The following RARS1 variants were observed in gnomAD, a reference collection of about 807,000 sequenced individuals.
RARS1 encodes the protein arginine--tRNA ligase, cytoplasmic.
A neutral mutation model predicts 78.7 loss-of-function variants in RARS1; 75 were observed. The observed-to-expected ratio is 0.95, with a 90% CI of 0.79 to 1.15. RARS1 has a LOEUF of 1.15. Among genes scored for constraint, RARS1 ranks in the 50% most tolerant of loss-of-function variants. The pLI is 0.00. For missense variants in RARS1, 787 were observed against 787.5 expected, an observed-to-expected ratio of 1.00 and a Z score of 0.01; for synonymous variants, 273 against 268.2, an observed-to-expected ratio of 1.02 and a Z score of -0.18.
chr5:168,497,162 C>G, intron 6 of RARS1, 66 bp from the exon 7 acceptor site: 1 of 1,202,390 alleles, frequency 8.3e-7, no homozygotes, highest in Non-Finnish European at 1.1e-6. Flanking sequence ...GAATATAGTT[C>G]CTCTAATTTA....
rs1158306229 is a variant in RARS1, at chr5:168,492,697, G to T, written c.219G>T (p.Met73Ile). Residue 73 changes from methionine (M) to isoleucine (I), a missense_variant, in exon 3 of 15, where the codon ATG (methionine) becomes ATT (isoleucine). Met to Ile is a conservative substitution (Grantham distance 10, BLOSUM62 1). Transcript: ENST00000231572. ...AAAGGAACAAACCAACTAAAAATAT[G>T]ATTAACATTATTAGCCGCCTACAAG... is the stretch of plus-strand genomic sequence containing the variant. ...QAERNKPTKNMINIISRLQEV... is the reference protein window; with the variant it reads ...QAERNKPTKNIINIISRLQEV... 6.2e-7 allele frequency: 1 copy of T among 1,611,142 alleles called. No homozygotes were observed. Among genetic ancestry groups the T allele is most frequent in the East Asian group, 2.2e-5 (1 of 44,836 alleles).
rs747777615 is a variant in RARS1 at position 168,518,071 on chromosome 5, C to CTTTTTTTT, written c.1873+26_1873+33dup. On this transcript the variant is annotated intron_variant, in intron 14 of 14. Transcript: ENST00000231572. ...GAAAGATAGACAGACTGGTGAGTGT[C>CTTTTTTTT]TTTTTTTTTTTTTTTTTTTTTTTTA... 4.8e-3 allele frequency: 3,565 copies of CTTTTTTTT among 747,852 alleles called. 463 individuals are homozygous for CTTTTTTTT. The highest frequency in any genetic ancestry group is 0.033 in the African/African-American group (708 of 21,406). 46.3% of individuals were successfully genotyped at this position (747,852 alleles called of 1,614,324 possible). A position where few individuals can be genotyped will look rare whatever the true frequency, so the allele number is the denominator to read the frequency against.
intron 12 of RARS1, 102 bp downstream of exon 12, chr5:168,510,788 C>G: frequency 4.1e-6 from 3 of 736,856 alleles, no homozygotes; most frequent in Middle Eastern, 2.5e-4. Flanking sequence ...GTCAGTCCCA[C>G]CTAGGACAAG....
rs191254574 is a variant in RARS1, at chr5:168,497,430, T to C, written c.822+82T>C. Reference sequence around the variant, plus strand: ...ATTTTCCTTAGGAAACTTAAAATGGTTTTTAAAGCTACTATGGAGTTAAGT... The same window carrying C: ...ATTTTCCTTAGGAAACTTAAAATGGCTTTTAAAGCTACTATGGAGTTAAGT... On this transcript the variant is annotated intron_variant, in intron 7 of 14. Coordinates refer to ENST00000231572, the MANE Select transcript of RARS1 (RefSeq NM_002887.4). The C allele has an allele frequency of 8.9e-5, 107 of 1,200,866 alleles. No individual in the cohort carries two copies. In the African/African-American group the frequency reaches 1.5e-3, roughly 17 times the overall value. 74.4% of individuals were successfully genotyped at this position (1,200,866 alleles called of 1,614,324 possible).
intron 7 of RARS1, among the ~76,000 whole-genome samples, chr5:168,499,154 C>T (rs1247940901): frequency 1.3e-5 from 2 of 151,808 alleles, no homozygotes; most frequent in East Asian, 1.9e-4. Context: ...CCTGTCTCTA[C>T]ATAAAATACA....
intron 10 of RARS1, among the ~76,000 whole-genome samples, chr5:168,506,403 C>T (rs1424964451): frequency 6.6e-6 from 1 of 152,182 alleles, no homozygotes; most frequent in African/African-American, 2.4e-5. Flanking sequence ...CCTCCACAAA[C>T]TGGAACCTCT....
At chr5:168,510,816 T>TTTATTACTGTGCAATAAAC in intron 12 of RARS1, 130 bp downstream of exon 12, 1 of 551,064 alleles carries the variant, frequency 1.8e-6, no homozygotes, top group Non-Finnish European at 3.2e-6. Context: ...TTGCTCTGAC[T>TTTATTACTGTGCAATAAAC]TTATTGCACA....
chr5:168,488,190 C>A, intron 1 of RARS1: 1 of 381,526 alleles, frequency 2.6e-6, no homozygotes, highest in Non-Finnish European at 5.2e-6. Context: ...TGCAGTGGCA[C>A]GATCTCGACT....
chr5:168,510,796 A>C lies in RARS1; in HGVS notation c.1452+110A>C, dbSNP rs41283167. 0.021 allele frequency: 14,381 copies of C among 674,294 alleles called. 287 individuals carry two copies. Among genetic ancestry groups the C allele is most frequent in the East Asian group, 0.07 (2,338 of 33,334 alleles). 41.8% of individuals were successfully genotyped at this position (674,294 alleles called of 1,614,324 possible). ...GTGAGGAGTCAGTCCCACCTAGGACAAGGCTTATATTGCTCTGACTTTATT... is the reference window on the plus strand; with the variant it reads ...GTGAGGAGTCAGTCCCACCTAGGACCAGGCTTATATTGCTCTGACTTTATT... On this transcript the variant is annotated intron_variant, in intron 12 of 14. Coordinates refer to ENST00000231572, the MANE Select transcript of RARS1 (RefSeq NM_002887.4).
At position 168,518,052 on chromosome 5, in the gene RARS1, T is replaced by G; in HGVS notation, c.1863T>G (p.Asp621Glu). 1 of 1,516,384 alleles carries G rather than the reference T, an allele frequency of 6.6e-7. No homozygotes were observed. Among genetic ancestry groups the G allele is most frequent in the South Asian group, 1.2e-5 (1 of 81,178 alleles). The allele number at this position is 1,516,384 out of a possible 1,614,324, so 93.9% of individuals were successfully genotyped here. The stretch of plus-strand genomic sequence containing the variant: ...ATAGCTGCTACTGTGTGGAGAAAGA[T>G]AGACAGACTGGTGAGTGTCTTTTTT... ...FYDSCYCVEK[D>E]RQTGKILKVN... The change falls in exon 14 of 15, where the codon GAT (aspartate) becomes GAG (glutamate). Residue 621 changes from aspartate to glutamate, a missense_variant. Asp to Glu is a conservative substitution (Grantham distance 45). Coordinates refer to ENST00000231572, the MANE Select transcript of RARS1 (RefSeq NM_002887.4).
intron 3 of RARS1, chr5:168,493,088 T>C (rs1398760354): frequency 5.2e-6 from 2 of 387,878 alleles, no homozygotes; most frequent in East Asian, 7.8e-5. Context: ...ATTGGTACTC[T>C]TTTGTTTAGG....
intron 12 of RARS1, among the ~76,000 whole-genome samples, chr5:168,511,516 C>T (rs1293026048): frequency 6.6e-6 from 1 of 152,120 alleles, no homozygotes; most frequent in Non-Finnish European, 1.5e-5. Context: ...AATCTGCCCC[C>T]ATGATCCAGC....
chr5:168,492,746 G>A lies in RARS1; in HGVS notation c.268G>A (p.Ala90Thr), dbSNP rs1442010422. 1 of 1,612,842 alleles carries A rather than the reference G, an allele frequency of 6.2e-7. No individual in the cohort carries two copies. Among genetic ancestry groups the A allele is most frequent in the Non-Finnish European group, 8.5e-7 (1 of 1,178,960 alleles). The part of the protein sequence containing the change: ...LQEVFGHAIK[A>T]AYPDLENPPL... The stretch of plus-strand genomic sequence containing the variant: ...AGAGGTCTTTGGTCATGCAATTAAG[G>A]CTGCATATCCAGATTTGGAAAATCC... Residue 90 changes from alanine to threonine, a missense_variant, in exon 3 of 15, where the codon GCT becomes ACT. Ala to Thr is a moderately conservative substitution (Grantham distance 58). Coordinates refer to ENST00000231572, the MANE Select transcript of RARS1 (RefSeq NM_002887.4).
chr5:168,502,186 C>T (rs1473632490), intron 9 of RARS1, 81 bp downstream of exon 9: 8 of 1,502,986 alleles, frequency 5.3e-6, no homozygotes, highest in Non-Finnish European at 7.1e-6. Context: ...GTAATGCCAG[C>T]TTCATGTACT....
At position 168,502,772 on chromosome 5, in the gene RARS1, G is replaced by A. The variant is rs940266773; in HGVS notation, c.1057+667G>A. Among the ~76,000 whole-genome samples, 7 of 147,740 alleles carry A rather than the reference G, an allele frequency of 4.7e-5. No homozygotes were observed. The East Asian group carries it at 1.0e-3, about 22-fold the overall frequency. Reference sequence around the variant, plus strand: ...TTTTTAATGGAGACAGGGTTCCACCGTGTTGGCTGGGCTGGTCTTGAACTC... The same window carrying A: ...TTTTTAATGGAGACAGGGTTCCACCATGTTGGCTGGGCTGGTCTTGAACTC... On this transcript the variant is annotated intron_variant, in intron 9 of 14. Transcript: ENST00000231572.
intron 1 of RARS1, chr5:168,488,324 C>T (rs1758012148): frequency 1.9e-5 from 7 of 362,766 alleles, no homozygotes; most frequent in East Asian, 6.8e-5. Context: ...GACAGCGTTT[C>T]GCTATGTTTG....
intron 6 of RARS1, 143 bp downstream of exon 6, chr5:168,495,579 A>G: frequency 3.1e-6 from 4 of 1,310,322 alleles, no homozygotes; most frequent in Non-Finnish European, 4.0e-6. Context: ...ACAACCACCC[A>G]GTAAGCTTTT....
chr5:168,517,567 C>A (rs1758696566), intron 13 of RARS1, among the ~76,000 whole-genome samples: 1 of 152,184 alleles, frequency 6.6e-6, no homozygotes, highest in South Asian at 2.1e-4. Flanking sequence ...CGATACTCTT[C>A]TAGATGCTCT....
chr5:168,517,779 T>C, intron 13 of RARS1, 36 bp from the exon 14 acceptor site: 5 of 1,470,978 alleles, frequency 3.4e-6, no homozygotes, highest in Non-Finnish European at 4.6e-6. Context: ...AAGGGAACAG[T>C]GGTGATTGCC....
Sources: allele counts gnomAD v4.1 joint callset (sites outside exome capture counted in the v4.1 genomes callset), GRCh38; gene constraint gnomAD v4.1.1; transcripts MANE v1.5; gene names NCBI Gene and HGNC (gene_info 2026-07-23, HGNC 2026-07-21).